DAB1: variants seen among roughly 807,000 people sequenced by gnomAD.
The protein encoded by DAB1 is DAB adaptor protein 1.
Under a neutral mutation model 64.6 loss-of-function variants are expected in DAB1, and 15 were observed. The ratio of observed to expected loss-of-function variants is 0.23; its 90% CI spans 0.16 to 0.36. The LOEUF is 0.36. Among genes scored for constraint, DAB1 ranks in the 10% least tolerant of loss-of-function variants. DAB1 has a pLI of 1.00. For synonymous variants in DAB1, 235 were observed against 251.9 expected (o/e 0.93, Z 0.64); for missense variants, 596 against 706.7 (o/e 0.84, Z 1.78).
At chr1:58,481,178 TAAAG>T (rs751957540) in intron 3 of DAB1, 1 of 808,688 alleles carries the variant, frequency 1.2e-6, no homozygotes, top group Non-Finnish European at 2.1e-6. Context: ...TGAGAGCCTA[TAAAG>T]AAATAATAAA....
At chr1:58,224,101 G>T (rs1173064556) in intron 4 of DAB1, among the ~76,000 whole-genome samples, 2 of 152,166 alleles carry the variant, frequency 1.3e-5, no homozygotes, top group East Asian at 1.9e-4. Context: ...TGGCAGTGGG[G>T]TATGAGGCAA....
chr1:57,999,449 C>A (rs1646474961), intron 5 of DAB1, among the ~76,000 whole-genome samples: 1 of 152,156 alleles, frequency 6.6e-6, no homozygotes, highest in Non-Finnish European at 1.5e-5. Flanking sequence ...AGATTCTGAA[C>A]CCTCTGTAAA....
At chr1:58,008,562 T>C (rs990057071) in intron 5 of DAB1, among the ~76,000 whole-genome samples, 2 of 152,054 alleles carry the variant, frequency 1.3e-5, no homozygotes, top group Admixed American at 6.6e-5. Flanking sequence ...TGGATAAAGA[T>C]CAGGGAGCTC....
At position 57,647,598 on chromosome 1, in the gene DAB1, C is replaced by G. The variant is rs546868134; in HGVS notation, n.625+1994G>C. Among the ~76,000 whole-genome samples the G allele has an allele frequency of 2.6e-5, 4 of 152,280 alleles. No homozygotes were observed. In the East Asian group the frequency reaches 7.7e-4, roughly 29 times the overall value. On this transcript the variant is annotated intron_variant and non_coding_transcript_variant, in intron 7 of 20. Coordinates refer to the DAB1 transcript ENST00000485760. ...ACTGCCAAGCCCCTTAACCTTAACCCAAGCAGGAACACAGACCACTGAGTT... is the reference window on the plus strand; with the variant it reads ...ACTGCCAAGCCCCTTAACCTTAACCGAAGCAGGAACACAGACCACTGAGTT...
chr1:58,320,801 T>A (rs1325897313), intron 4 of DAB1, among the ~76,000 whole-genome samples: 1 of 152,156 alleles, frequency 6.6e-6, no homozygotes, highest in Non-Finnish European at 1.5e-5. Flanking sequence ...TCTCAGAGGA[T>A]CTGAGACCTG....
Position 57,547,872 on chromosome 1 carries a change from C to T in DAB1, n.625+101720G>A, listed in dbSNP as rs192108638. Among the ~76,000 whole-genome samples the T allele has an allele frequency of 1.3e-3, 194 of 152,262 alleles. 1 individual carries two copies. The highest frequency in any genetic ancestry group is 4.3e-3 in the African/African-American group (177 of 41,564). On this transcript the variant is annotated intron_variant and non_coding_transcript_variant, in intron 7 of 20. Coordinates refer to the DAB1 transcript ENST00000485760. The stretch of plus-strand genomic sequence containing the variant: ...TCTTTATGATGTTTCTGTGAATCTA[C>T]AATTATCCAAAATTGAAAGTTTATT...
At chr1:58,532,321 TGATA>T (rs1358169949) in intron 1 of DAB1, among the ~76,000 whole-genome samples, 1 of 152,170 alleles carries the variant, frequency 6.6e-6, no homozygotes, top group African/African-American at 2.4e-5. Flanking sequence ...GTTCTTGCAC[TGATA>T]GAGATGACAA....
chr1:57,095,109 G>A (rs751891492), intron 4 of DAB1, among the ~76,000 whole-genome samples: 6 of 152,180 alleles, frequency 3.9e-5, no homozygotes, highest in Non-Finnish European at 7.4e-5. Flanking sequence ...GGGTTGACTC[G>A]TTTACCTTTA....
At position 57,688,660 on chromosome 1, in the gene DAB1, C is replaced by A. The variant is rs190007657; in HGVS notation, n.552-38995G>T. Among the ~76,000 whole-genome samples the A allele has an allele frequency of 9.5e-4, 144 of 152,258 alleles. 1 individual carries two copies. Among genetic ancestry groups the A allele is most frequent in the South Asian group, 7.3e-3 (35 of 4,822 alleles). ...ATTCACATTAGCAAAGGCATGGAAT[C>A]AACCTAGGTGCCCATCAACGGTGGA... On this transcript the variant is annotated intron_variant and non_coding_transcript_variant, in intron 6 of 20. Coordinates refer to the DAB1 transcript ENST00000485760.
rs569307047 is a variant in DAB1 at position 57,715,800 on chromosome 1, G to A, written n.552-66135C>T. Among the ~76,000 whole-genome samples the A allele has an allele frequency of 2.2e-4, 34 of 152,160 alleles. 1 individual carries two copies. The South Asian group carries it at 2.5e-3, about 11-fold the overall frequency. On this transcript the variant is annotated intron_variant and non_coding_transcript_variant, in intron 6 of 20. Transcript: ENST00000485760. ...AAATTGAAGTAGACACAAATAAATC[G>A]AAAGATAGGCCACGTTCATGAATTG...
intron 1 of DAB1, among the ~76,000 whole-genome samples, chr1:57,319,437 G>C (rs1471190293): frequency 6.6e-6 from 1 of 152,142 alleles, no homozygotes; most frequent in Non-Finnish European, 1.5e-5. Flanking sequence ...GAGTCACCAA[G>C]GAAAGACGCC....
At chr1:58,297,205 A>T (rs181225499) in intron 4 of DAB1, among the ~76,000 whole-genome samples, 14 of 152,308 alleles carry the variant, frequency 9.2e-5, no homozygotes, top group Admixed American at 9.2e-4. Context: ...AATAGGGTTA[A>T]TAATGTCTAT....
chr1:57,744,796 A>G (rs2101795537), intron 6 of DAB1, among the ~76,000 whole-genome samples: 1 of 152,272 alleles, frequency 6.6e-6, no homozygotes, highest in African/African-American at 2.4e-5. Context: ...TCAGCACAGA[A>G]ACTATGGCCG....
intron 5 of DAB1, among the ~76,000 whole-genome samples, chr1:58,011,602 C>T (rs562872073): frequency 2.6e-5 from 4 of 152,298 alleles, no homozygotes; most frequent in African/African-American, 9.6e-5. Context: ...CCCTTTAGAA[C>T]ATAAATGTAA....
chr1:57,211,797 C>T (rs1384595658), intron 2 of DAB1, among the ~76,000 whole-genome samples: 1 of 152,026 alleles, frequency 6.6e-6, no homozygotes, highest in Non-Finnish European at 1.5e-5. Flanking sequence ...AAATATAATA[C>T]AGCAACTATT....
intron 1 of DAB1, among the ~76,000 whole-genome samples, chr1:57,357,277 C>T (rs1477800593): frequency 6.6e-6 from 1 of 151,966 alleles, no homozygotes; most frequent in Non-Finnish European, 1.5e-5. Flanking sequence ...ATAATACTGA[C>T]AACAACTGAA....
At chr1:58,497,103 T>C (rs1645815486) in intron 3 of DAB1, among the ~76,000 whole-genome samples, 1 of 152,114 alleles carries the variant, frequency 6.6e-6, no homozygotes, top group South Asian at 2.1e-4. Context: ...CAAAATTTAA[T>C]CTCTATTTAC....
chr1:57,495,086 T>C (rs1247463159), intron 7 of DAB1, among the ~76,000 whole-genome samples: 1 of 152,140 alleles, frequency 6.6e-6, no homozygotes, highest in Admixed American at 6.5e-5. Context: ...CGCATAGGGA[T>C]AGCATGGCAG....
At chr1:57,852,879 C>G (rs934002764) in intron 1 of DAB1, among the ~76,000 whole-genome samples, 2 of 152,070 alleles carry the variant, frequency 1.3e-5, no homozygotes, top group Non-Finnish European at 2.9e-5. Context: ...TTGTTTGTGA[C>G]AGCAGTATCC....
Sources: gnomAD v4.1 joint callset for allele counts (sites outside exome capture counted in the v4.1 genomes callset) on GRCh38, gnomAD v4.1.1 for gene constraint, MANE v1.5 for transcripts, NCBI Gene and HGNC (gene_info 2026-07-23, HGNC 2026-07-21) for gene names.